Variants in STK4 observed in about 807,000 individuals in gnomAD.
STK4 encodes the protein serine/threonine-protein kinase 4.
In STK4, 30 loss-of-function variants were observed where a neutral mutation model predicts 64.9. That is an observed-to-expected ratio of 0.46 (90% CI 0.35 to 0.63). The LOEUF is 0.63. Among genes scored for constraint, STK4 ranks in the 20% least tolerant of loss-of-function variants. The pLI is 0.01. For synonymous variants in STK4, 177 were observed against 199.0 expected (o/e 0.89, Z 0.93); for missense variants, 466 against 598.5 (o/e 0.78, Z 2.31).
intron 2 of STK4, among the ~76,000 whole-genome samples, chr20:44,977,191 T>C (rs2067354247): frequency 6.6e-6 from 1 of 152,188 alleles, no homozygotes; most frequent in South Asian, 2.1e-4. Flanking sequence ...GCAAAAAGTA[T>C]TTGGTGTAAT....
intron 9 of STK4, among the ~76,000 whole-genome samples, chr20:45,017,651 G>A (rs137965721): frequency 6.6e-6 from 1 of 152,234 alleles, no homozygotes; most frequent in Non-Finnish European, 1.5e-5. Context: ...GTGATAAAAT[G>A]GAGTTTCAAA....
chr20:45,002,238 C>G (rs2067854731), intron 9 of STK4, among the ~76,000 whole-genome samples: 2 of 152,208 alleles, frequency 1.3e-5, no homozygotes, highest in African/African-American at 4.8e-5. Context: ...CTAGGCCAAC[C>G]TGTTAGTATG....
chr20:44,978,769 G>T (rs1417704132), intron 3 of STK4, among the ~76,000 whole-genome samples, 198 bp downstream of exon 3: 1 of 149,154 alleles, frequency 6.7e-6, no homozygotes, highest in African/African-American at 2.5e-5. Context: ...TAATTTTTAT[G>T]CATGGTGTTT....
At chr20:44,973,986 AAAGG>A (rs2067295834) in intron 2 of STK4, 1 of 152,250 alleles carries the variant, frequency 6.6e-6, no homozygotes, top group African/African-American at 2.4e-5. Context: ...GTGGAATGTC[AAAGG>A]AAGACTATAG....
chr20:45,027,223 G>C lies in STK4; in HGVS notation c.1305+2093G>C, dbSNP rs143879670. Reference sequence around the variant, plus strand: ...GCCGGTCAATCACCTTAGGTCAGGAGTTCGAGGCTAGCCTGACCAACACAG... The same window carrying C: ...GCCGGTCAATCACCTTAGGTCAGGACTTCGAGGCTAGCCTGACCAACACAG... On this transcript the variant is annotated intron_variant, in intron 10 of 10. Coordinates refer to ENST00000372806, the MANE Select transcript of STK4 (RefSeq NM_006282.5). Among the ~76,000 whole-genome samples the C allele has an allele frequency of 4.4e-3, 675 of 152,236 alleles. 6 individuals are homozygous for C. Among genetic ancestry groups the C allele is most frequent in the African/African-American group, 0.014 (583 of 41,534 alleles).
At position 45,025,141 on chromosome 20, in the gene STK4, T is replaced by A; in HGVS notation, c.1305+11T>A. 6.2e-7 allele frequency: 1 copy of A among 1,601,604 alleles called. No homozygotes were observed. Among genetic ancestry groups the A allele is most frequent in the Non-Finnish European group, 8.5e-7 (1 of 1,174,532 alleles). The stretch of plus-strand genomic sequence containing the variant: ...GGAGACTACGAGTTTGTAAGTAGTG[T>A]TGGAAGTAAATGGTTATGTCTTCAG... On this transcript the variant is annotated intron_variant, in intron 10 of 10. Transcript: ENST00000372806.
At chr20:45,070,246 T>C (rs1979938903) in intron 10 of STK4, among the ~76,000 whole-genome samples, 7 of 152,230 alleles carry the variant, frequency 4.6e-5, no homozygotes, top group Admixed American at 6.5e-5. Context: ...TTATTCTCAG[T>C]GCAATAGGAA....
intron 10 of STK4, among the ~76,000 whole-genome samples, chr20:45,047,304 C>T (rs2068711541): frequency 6.6e-6 from 1 of 152,140 alleles, no homozygotes; most frequent in Non-Finnish European, 1.5e-5. Context: ...ACCTGTCCCA[C>T]CCTTGGTGCA....
At chr20:44,977,471 G>T (rs769819583) in intron 2 of STK4, among the ~76,000 whole-genome samples, 1 of 151,962 alleles carries the variant, frequency 6.6e-6, no homozygotes, top group Non-Finnish European at 1.5e-5. Flanking sequence ...ACTGACAGCT[G>T]CCCAGGATTC....
intron 9 of STK4, among the ~76,000 whole-genome samples, chr20:45,004,148 T>G (rs1337407211): frequency 2.0e-5 from 3 of 152,100 alleles, no homozygotes; most frequent in Non-Finnish European, 4.4e-5. Flanking sequence ...CAGGCTGGAG[T>G]GCAGTGGTGT....
At chr20:45,002,648 C>T (rs1452437674) in intron 9 of STK4, among the ~76,000 whole-genome samples, 2 of 152,116 alleles carry the variant, frequency 1.3e-5, no homozygotes, top group Non-Finnish European at 2.9e-5. Context: ...AACATACATA[C>T]AATTACACAG....
intron 9 of STK4, among the ~76,000 whole-genome samples, chr20:45,003,222 G>A (rs924265709): frequency 1.3e-5 from 2 of 151,858 alleles, no homozygotes; most frequent in African/African-American, 4.8e-5. Flanking sequence ...GGCTGGTTTT[G>A]GGCTCCTGGT....
At position 45,000,497 on chromosome 20, in the gene STK4, G is replaced by T; in HGVS notation, c.937G>T (p.Asp313Tyr). 6.2e-7 allele frequency: 1 copy of T among 1,614,052 alleles called. No homozygotes were observed. Among genetic ancestry groups the T allele is most frequent in the South Asian group, 1.1e-5 (1 of 91,072 alleles). ...KRQESQQREVDQDDEENSEED... is the reference protein window; with the variant it reads ...KRQESQQREVYQDDEENSEED... ...CCAGGAATCCCAGCAGCGGGAAGTGGACCAGGACGATGAAGAAAACTCAGT... is the reference window on the plus strand; with the variant it reads ...CCAGGAATCCCAGCAGCGGGAAGTGTACCAGGACGATGAAGAAAACTCAGT... Residue 313 changes from aspartate (D) to tyrosine (Y), a missense_variant, in exon 8 of 11, where the codon GAC (aspartate) becomes TAC (tyrosine). By Grantham distance (160) the Asp-to-Tyr change is radical (BLOSUM62 -3). Around this residue, in one of 2 missense-constraint regions of STK4, gnomAD observed 276 missense variants for 308.9 expected, o/e 0.89. Transcript: ENST00000372806.
rs967405320 is a variant in STK4, at chr20:45,033,981, C to T, written c.1305+8851C>T. ...AGAAAGTAGTCAAAGCCACTTTATC[C>T]CACCTGGAGATATAAAAATATATTC... On this transcript the variant is annotated intron_variant, in intron 10 of 10. Coordinates refer to ENST00000372806, the MANE Select transcript of STK4 (RefSeq NM_006282.5). 3.5e-4 allele frequency among the ~76,000 whole-genome samples: 53 copies of T among 151,936 alleles called. 1 individual carries two copies. The highest frequency in any genetic ancestry group is 1.2e-3 in the African/African-American group (51 of 41,408).
chr20:45,011,739 T>A lies in STK4; in HGVS notation c.1147+10386T>A, dbSNP rs866701826. Among the ~76,000 whole-genome samples the A allele has an allele frequency of 2.8e-3, 190 of 67,412 alleles. 1 individual carries two copies. Among genetic ancestry groups the A allele is most frequent in the Middle Eastern group, 0.019 (2 of 106 alleles). The allele number at this position is 67,412 out of a possible 152,430, so 44.2% of individuals were successfully genotyped here. A position where few individuals can be genotyped will look rare whatever the true frequency, so the allele number is the denominator to read the frequency against. The stretch of plus-strand genomic sequence containing the variant: ...TATATATATATATATATTTTTTTTT[T>A]TTTTTTTAAGTCAAGTTGTTGGGAG... On this transcript the variant is annotated intron_variant, in intron 9 of 10. Transcript: ENST00000372806.
At chr20:45,028,232 T>A in intron 10 of STK4, among the ~76,000 whole-genome samples, 1 of 152,192 alleles carries the variant, frequency 6.6e-6, no homozygotes, top group East Asian at 1.9e-4. Context: ...ACCAATGGCG[T>A]ATGAACATTC....
At chr20:45,004,741 A>G (rs1025361236) in intron 9 of STK4, among the ~76,000 whole-genome samples, 1 of 144,510 alleles carries the variant, frequency 6.9e-6, no homozygotes, top group African/African-American at 2.5e-5. Context: ...TTGTCATGAA[A>G]TCCTTTTTTT....
intron 10 of STK4, among the ~76,000 whole-genome samples, chr20:45,044,348 C>A (rs376692103): frequency 1.3e-5 from 2 of 152,168 alleles, no homozygotes; most frequent in South Asian, 4.2e-4. Flanking sequence ...TGAACCAGGC[C>A]GGGTGAATGA....
intron 2 of STK4, 111 bp from the exon 3 acceptor site, chr20:44,978,332 A>G: frequency 2.3e-6 from 3 of 1,329,082 alleles, no homozygotes; most frequent in Non-Finnish European, 3.0e-6. Context: ...GTGTATATGT[A>G]TTAGGCACTT....
Sources: gnomAD v4.1 joint callset for allele counts (sites outside exome capture counted in the v4.1 genomes callset) on GRCh38, gnomAD v4.1.1 for gene constraint, gnomAD v4.1.1 regional missense constraint, MANE v1.5 for transcripts, NCBI Gene and HGNC (gene_info 2026-07-23, HGNC 2026-07-21) for gene names.